Variants in ADCY2 observed in about 807,000 individuals in gnomAD.
ADCY2 encodes adenylate cyclase 2.
A neutral mutation model predicts 125.2 loss-of-function variants in ADCY2; 31 were observed. The ratio of observed to expected loss-of-function variants is 0.25; its 90% CI spans 0.19 to 0.33. The LOEUF is 0.33. Among genes scored for constraint, ADCY2 ranks in the 10% least tolerant of loss-of-function variants. The pLI is 1.00. For synonymous variants in ADCY2, 512 were observed against 548.4 expected, an observed-to-expected ratio of 0.93 and a Z score of 0.93; for missense variants, 904 against 1,418.2, an observed-to-expected ratio of 0.64 and a Z score of 5.82.
At chr5:7,808,379 CCAGA>C (rs1455653918) in intron 22 of ADCY2, among the ~76,000 whole-genome samples, 2 of 152,168 alleles carry the variant, frequency 1.3e-5, no homozygotes, top group Non-Finnish European at 2.9e-5. Flanking sequence ...AGTCCACCTC[CCAGA>C]CAGTGTTTAG....
In ADCY2 at chr5:7,408,411, A is replaced by G. The variant is rs538394734; in HGVS notation, c.211-6162A>G. ...TTGAGACAGTCTTGCTGTGTCACCC[A>G]GGCTGGCATACAGTGGCACAATCTC... On this transcript the variant is annotated intron_variant, in intron 1 of 24. Coordinates refer to ENST00000338316, the MANE Select transcript of ADCY2 (RefSeq NM_020546.3). Among the ~76,000 whole-genome samples, 12 of 151,466 alleles carry G rather than the reference A, an allele frequency of 7.9e-5. No homozygotes were observed. The South Asian group carries it at 2.5e-3, about 32-fold the overall frequency.
At chr5:7,761,775 GA>G (rs376861443) in intron 16 of ADCY2, among the ~76,000 whole-genome samples, 344 of 152,298 alleles carry the variant, frequency 2.3e-3, no homozygotes, top group African/African-American at 7.9e-3. Flanking sequence ...AATTAGTCAT[GA>G]TTGACAGACA....
intron 12 of ADCY2, 118 bp from the exon 13 acceptor site, chr5:7,724,425 TAA>T: frequency 1.4e-6 from 1 of 690,952 alleles, no homozygotes; most frequent in African/African-American, 1.9e-5. Context: ...TTTTTTTTTT[TAA>T]ATGCTGTTCG....
intron 2 of ADCY2, among the ~76,000 whole-genome samples, chr5:7,495,570 G>A (rs1743319083): frequency 6.6e-6 from 1 of 152,110 alleles, no homozygotes; most frequent in African/African-American, 2.4e-5. Context: ...TAAAATGAGT[G>A]TATTTATGAA....
chr5:7,531,275 G>T (rs12514129), intron 3 of ADCY2, among the ~76,000 whole-genome samples: 1 of 151,942 alleles, frequency 6.6e-6, no homozygotes. Flanking sequence ...GCGACCTGGA[G>T]GGCCGCCGTT....
chr5:7,814,638 C>A (rs113705170), intron 22 of ADCY2, among the ~76,000 whole-genome samples: 1 of 151,974 alleles, frequency 6.6e-6, no homozygotes, highest in African/African-American at 2.4e-5. Flanking sequence ...TAGCTACCAC[C>A]TTAGTAGCAG....
intron 15 of ADCY2, among the ~76,000 whole-genome samples, chr5:7,754,875 A>G (rs1214837031): frequency 6.6e-6 from 1 of 152,006 alleles, no homozygotes; most frequent in East Asian, 1.9e-4. Flanking sequence ...AAAAAAAAAG[A>G]AAAAACAAAA....
chr5:7,649,274 C>A (rs1739002383), intron 4 of ADCY2, among the ~76,000 whole-genome samples: 1 of 152,150 alleles, frequency 6.6e-6, no homozygotes, highest in Non-Finnish European at 1.5e-5. Context: ...TAAGATTAAG[C>A]CTGGACATTT....
At chr5:7,691,472 G>A (rs1182523962) in intron 5 of ADCY2, 2 of 152,128 alleles carry the variant, frequency 1.3e-5, no homozygotes, top group South Asian at 2.1e-4. Flanking sequence ...TATCATCATG[G>A]GATTATAGTA....
chr5:7,527,352 G>A (rs868805832), intron 3 of ADCY2, among the ~76,000 whole-genome samples: 11 of 152,304 alleles, frequency 7.2e-5, no homozygotes, highest in African/African-American at 2.2e-4. Flanking sequence ...TTGTAGGTTA[G>A]TATCACTGTT....
intron 7 of ADCY2, among the ~76,000 whole-genome samples, chr5:7,703,070 G>C (rs924856809): frequency 4.0e-5 from 6 of 150,612 alleles, no homozygotes; most frequent in Non-Finnish European, 1.5e-5. Flanking sequence ...CTTTTTGATG[G>C]GGTTGTTTGA....
At chr5:7,610,019 T>G (rs1341197490) in intron 3 of ADCY2, among the ~76,000 whole-genome samples, 1 of 152,118 alleles carries the variant, frequency 6.6e-6, no homozygotes, top group East Asian at 1.9e-4. Context: ...AGGGCATGAA[T>G]GGAATGTGGA....
At chr5:7,545,924 C>T (rs916536577) in intron 3 of ADCY2, among the ~76,000 whole-genome samples, 8 of 152,154 alleles carry the variant, frequency 5.3e-5, no homozygotes, top group African/African-American at 1.9e-4. Flanking sequence ...TGGGTGTGTG[C>T]AGACGGGGAT....
intron 3 of ADCY2, among the ~76,000 whole-genome samples, chr5:7,588,486 G>A (rs950491892): frequency 2.0e-5 from 3 of 152,216 alleles, no homozygotes; most frequent in East Asian, 1.9e-4. Context: ...AAAATGCACC[G>A]TCAATTATGG....
intron 3 of ADCY2, among the ~76,000 whole-genome samples, chr5:7,606,805 A>T (rs1193545248): frequency 6.6e-6 from 1 of 152,216 alleles, no homozygotes; most frequent in African/African-American, 2.4e-5. Flanking sequence ...TACATACATT[A>T]TATGTATAAA....
intron 18 of ADCY2, among the ~76,000 whole-genome samples, chr5:7,774,848 TA>T (rs1408229613): frequency 6.6e-6 from 1 of 152,134 alleles, no homozygotes; most frequent in Non-Finnish European, 1.5e-5. Context: ...CCTAATTTTT[TA>T]AAAAAATTTT....
chr5:7,802,294 A>T lies in ADCY2; in HGVS notation c.2705A>T (p.Glu902Val). ...SIPDFKEFYT[E>V]SDVNKEGLEC... ...CCGGATTTCAAAGAATTTTATACAG[A>T]ATCCGACGTGAACAAGGAGGGCTTG... The change falls in exon 21 of 25, where the codon GAA (glutamate) becomes GTA (valine). Residue 902 changes from glutamate (E) to valine (V), a missense_variant. Around this residue, in one of 7 missense-constraint regions of ADCY2, gnomAD observed 181 missense variants for 381.6 expected, o/e 0.47. Coordinates refer to ENST00000338316, the MANE Select transcript of ADCY2 (RefSeq NM_020546.3). The surrounding 1 kb of genome is among the most constrained non-coding windows in gnomAD (Gnocchi z 4.6). 6.2e-7 allele frequency: 1 copy of T among 1,614,158 alleles called. No homozygotes were observed. The highest frequency in any genetic ancestry group is 2.2e-5 in the East Asian group (1 of 44,884).
chr5:7,710,830 T>C (rs1029386794), intron 10 of ADCY2, among the ~76,000 whole-genome samples: 6 of 152,166 alleles, frequency 3.9e-5, no homozygotes, highest in Admixed American at 3.3e-4. Flanking sequence ...TCTAAGAGTT[T>C]AGCAGTGGAA....
intron 2 of ADCY2, among the ~76,000 whole-genome samples, chr5:7,482,789 T>TATATATATATACAC (rs1241879068): frequency 7.0e-6 from 1 of 143,236 alleles, no homozygotes; most frequent in Non-Finnish European, 1.5e-5. Context: ...TATATATATA[T>TATATATATATACAC]ATACACACAC....
Sources: gnomAD v4.1 joint callset for allele counts (sites outside exome capture counted in the v4.1 genomes callset) on GRCh38, gnomAD v4.1.1 for gene constraint, gnomAD v4.1.1 regional missense constraint, Gnocchi (gnomAD v3.1) non-coding constraint, MANE v1.5 for transcripts, NCBI Gene and HGNC (gene_info 2026-07-23, HGNC 2026-07-21) for gene names.